Variants in ERC2 observed in about 807,000 individuals in gnomAD.
ERC2 encodes the protein ELKS/RAB6-interacting/CAST family member 2.
In ERC2, 42 loss-of-function variants were observed where a neutral mutation model predicts 114.8. That is an observed-to-expected ratio of 0.37 (90% CI 0.29 to 0.47). ERC2 has a LOEUF of 0.47. Among genes scored for constraint, ERC2 ranks in the 20% least tolerant of loss-of-function variants. The probability of loss-of-function intolerance (pLI) is 0.99; values close to 1 mark genes in which losing one functional copy is unlikely to be tolerated. For missense variants in ERC2, 939 were observed against 1,150.7 expected (o/e 0.82, Z 2.66); for synonymous variants, 454 against 425.5 (o/e 1.07, Z -0.82).
At chr3:55,625,165 C>T (rs986540379) in intron 17 of ERC2, among the ~76,000 whole-genome samples, 1 of 150,964 alleles carries the variant, frequency 6.6e-6, no homozygotes, top group Non-Finnish European at 1.5e-5. Context: ...GTCAGGAGTT[C>T]GAGATCAGCC....
intron 16 of ERC2, among the ~76,000 whole-genome samples, chr3:55,688,062 G>A (rs1247144682): frequency 6.6e-6 from 1 of 152,164 alleles, no homozygotes; most frequent in African/African-American, 2.4e-5. Context: ...GATGGGGTCA[G>A]GTATGGCTAT....
At chr3:55,754,041 G>A (rs2066892894) in intron 14 of ERC2, among the ~76,000 whole-genome samples, 1 of 152,080 alleles carries the variant, frequency 6.6e-6, no homozygotes, top group Admixed American at 6.6e-5. Flanking sequence ...TTAGTTGGTT[G>A]TATAACAAGC....
chr3:55,564,779 C>T (rs1037851275), intron 17 of ERC2, among the ~76,000 whole-genome samples: 2 of 152,232 alleles, frequency 1.3e-5, no homozygotes, highest in African/African-American at 2.4e-5. Flanking sequence ...GGCCAAAATA[C>T]AGCCACTAAG....
chr3:55,641,359 T>C (rs971000040), intron 17 of ERC2, among the ~76,000 whole-genome samples: 11 of 152,106 alleles, frequency 7.2e-5, no homozygotes, highest in Non-Finnish European at 1.5e-4. Flanking sequence ...AGACCAGCCA[T>C]GCCAATGTGG....
intron 3 of ERC2, among the ~76,000 whole-genome samples, chr3:56,224,854 C>A (rs949969546): frequency 1.2e-4 from 19 of 152,132 alleles, no homozygotes; most frequent in Admixed American, 1.2e-3. Context: ...CCATTATGAG[C>A]CAGGAACATG....
At chr3:55,921,532 CA>C (rs1394919830) in intron 13 of ERC2, among the ~76,000 whole-genome samples, 1 of 152,086 alleles carries the variant, frequency 6.6e-6, no homozygotes, top group African/African-American at 2.4e-5. Flanking sequence ...ACTGAACAAT[CA>C]ACCTGAATAT....
chr3:56,168,663 A>G (rs1386898728), intron 4 of ERC2, among the ~76,000 whole-genome samples: 1 of 152,174 alleles, frequency 6.6e-6, no homozygotes, highest in Non-Finnish European at 1.5e-5. Context: ...TTGACTTCAC[A>G]GTGTTCCAGT....
intron 17 of ERC2, among the ~76,000 whole-genome samples, chr3:55,632,524 G>A (rs2059798270): frequency 6.6e-6 from 1 of 152,172 alleles, no homozygotes; most frequent in African/African-American, 2.4e-5. Context: ...ATTCTCTTAA[G>A]TTTGGTTTCA....
At chr3:55,686,880 C>G (rs1559499860) in intron 16 of ERC2, among the ~76,000 whole-genome samples, 1 of 152,198 alleles carries the variant, frequency 6.6e-6, no homozygotes, top group Non-Finnish European at 1.5e-5. Context: ...AGACTCTAGT[C>G]CATCAGTCAT....
chr3:55,982,721 G>A (rs2070257848), intron 12 of ERC2, among the ~76,000 whole-genome samples: 1 of 152,192 alleles, frequency 6.6e-6, no homozygotes, highest in Non-Finnish European at 1.5e-5. Flanking sequence ...CTATATATTT[G>A]TGGAGGGAAT....
At chr3:55,958,273 G>A (rs2068103448) in intron 12 of ERC2, among the ~76,000 whole-genome samples, 1 of 152,230 alleles carries the variant, frequency 6.6e-6, no homozygotes, top group African/African-American at 2.4e-5. Context: ...TCTGAAGCAG[G>A]TAGCTCCTTC....
intron 14 of ERC2, among the ~76,000 whole-genome samples, chr3:55,821,653 G>A (rs1042918705): frequency 3.3e-5 from 5 of 152,332 alleles, no homozygotes; most frequent in Non-Finnish European, 7.3e-5. Flanking sequence ...AACAAGAGCT[G>A]ATGTAGCATG....
In ERC2 at chr3:56,398,537, C is replaced by T. The variant is rs1041808088; in HGVS notation, c.657+35814G>A. On this transcript the variant is annotated intron_variant, in intron 2 of 17. Coordinates refer to ENST00000288221, the MANE Select transcript of ERC2 (RefSeq NM_015576.3). ...TCTGAAATTCAAATTTACTGAGTAT[C>T]ATATAAATGTGTGTATATATACATA... Among the ~76,000 whole-genome samples, 7 of 152,094 alleles carry T rather than the reference C, an allele frequency of 4.6e-5. No homozygotes were observed. In the South Asian group the frequency reaches 8.3e-4, roughly 18 times the overall value.
At chr3:56,208,644 T>C (rs528508185) in intron 3 of ERC2, among the ~76,000 whole-genome samples, 2 of 152,314 alleles carry the variant, frequency 1.3e-5, no homozygotes, top group African/African-American at 4.8e-5. Context: ...AGATCTTTCT[T>C]GTCCTTGGGC....
At chr3:56,323,793 G>T (rs1381181130) in intron 2 of ERC2, among the ~76,000 whole-genome samples, 1 of 152,130 alleles carries the variant, frequency 6.6e-6, no homozygotes, top group Non-Finnish European at 1.5e-5. Flanking sequence ...CTCATTCGCA[G>T]GAGGTTAAAA....
At chr3:55,531,297 T>C (rs893217932) in intron 17 of ERC2, among the ~76,000 whole-genome samples, 5 of 152,132 alleles carry the variant, frequency 3.3e-5, no homozygotes, top group Admixed American at 2.0e-4. Flanking sequence ...TGGAATGAAT[T>C]GATGCAACCC....
chr3:56,396,258 A>T (rs976618464), intron 2 of ERC2, among the ~76,000 whole-genome samples: 5 of 152,224 alleles, frequency 3.3e-5, no homozygotes, highest in African/African-American at 1.2e-4. Context: ...AACTGGAAAC[A>T]AACCAGATGT....
At chr3:55,730,610 C>A (rs1267823232) in intron 15 of ERC2, among the ~76,000 whole-genome samples, 1 of 152,180 alleles carries the variant, frequency 6.6e-6, no homozygotes, top group Admixed American at 6.5e-5. Flanking sequence ...GTGGCTCACA[C>A]CCGTAATCCC....
Position 55,584,358 on chromosome 3 carries a change from G to A in ERC2, c.*40-73082C>T, listed in dbSNP as rs1291116245. ...AGTATTAACAGGCATGCAGTCCTTA[G>A]AGCCACGCCTGGTTTACATCAATGT... On this transcript the variant is annotated intron_variant, in intron 17 of 17. Transcript: ENST00000288221. Among the ~76,000 whole-genome samples, 2 of 152,148 alleles carry A rather than the reference G, an allele frequency of 1.3e-5. 1 individual carries two copies. Among genetic ancestry groups the A allele is most frequent in the South Asian group, 4.1e-4 (2 of 4,828 alleles).
Sources: gnomAD v4.1 joint callset for allele counts (sites outside exome capture counted in the v4.1 genomes callset) on GRCh38, gnomAD v4.1.1 for gene constraint, MANE v1.5 for transcripts, NCBI Gene and HGNC (gene_info 2026-07-23, HGNC 2026-07-21) for gene names.